The following CCDC60 variants were observed in gnomAD, a reference collection of about 807,000 sequenced individuals.
The protein encoded by CCDC60 is coiled-coil domain containing 60, also known as coiled-coil domain-containing protein 60.
Under a neutral mutation model 63.5 loss-of-function variants are expected in CCDC60, and 54 were observed. The observed-to-expected ratio is 0.85, with a 90% CI of 0.68 to 1.07. The LOEUF is 1.07. Ranked by LOEUF, CCDC60 falls within the 50% of genes least tolerant of loss-of-function variation. The pLI, the probability that CCDC60 is intolerant of heterozygous loss-of-function variation, is 0.00. For synonymous variants in CCDC60, 206 were observed against 238.8 expected (o/e 0.86, Z 1.27); for missense variants, 651 against 684.3 (o/e 0.95, Z 0.54).
intron 1 of CCDC60, among the ~76,000 whole-genome samples, chr12:119,404,316 T>C (rs1320161290): frequency 5.3e-5 from 8 of 152,196 alleles, no homozygotes; most frequent in Admixed American, 1.3e-4. Flanking sequence ...TCATTTTGTT[T>C]ATCCTTCTGA....
chr12:119,453,859 G>C (rs1002190919), intron 2 of CCDC60, among the ~76,000 whole-genome samples: 3 of 152,106 alleles, frequency 2.0e-5, no homozygotes, highest in Admixed American at 6.6e-5. Context: ...AGGGAAAGGG[G>C]AAGAAGGAGG....
At chr12:119,408,132 A>T (rs550521350) in intron 1 of CCDC60, among the ~76,000 whole-genome samples, 2 of 152,330 alleles carry the variant, frequency 1.3e-5, no homozygotes, top group African/African-American at 4.8e-5. Flanking sequence ...TAATTTTGTG[A>T]CTAGCCCCTA....
chr12:119,533,362 G>A (rs902167195), intron 13 of CCDC60, among the ~76,000 whole-genome samples: 4 of 152,130 alleles, frequency 2.6e-5, no homozygotes, highest in African/African-American at 9.7e-5. Context: ...CTCCCATTCT[G>A]TAGGTTGCCT....
chr12:119,360,355 TCCC>T, intron 1 of CCDC60, among the ~76,000 whole-genome samples: 1 of 73,588 alleles, frequency 1.4e-5, no homozygotes, highest in East Asian at 5.1e-3. Context: ...CGCCCCCACC[TCCC>T]TCCCGGACGG....
chr12:119,453,157 A>G (rs575173729), intron 2 of CCDC60, among the ~76,000 whole-genome samples: 7 of 152,098 alleles, frequency 4.6e-5, no homozygotes, highest in South Asian at 4.1e-4. Flanking sequence ...ACATTAATGT[A>G]TATCCCACTT....
intron 8 of CCDC60, among the ~76,000 whole-genome samples, chr12:119,519,462 TA>T (rs1381736436): frequency 7.8e-6 from 1 of 128,852 alleles, no homozygotes; most frequent in African/African-American, 3.3e-5. Context: ...TATATATATA[TA>T]TATATTTTTT....
chr12:119,343,360 G>A (rs1050769541), intron 1 of CCDC60, among the ~76,000 whole-genome samples: 7 of 152,196 alleles, frequency 4.6e-5, no homozygotes, highest in South Asian at 4.1e-4. Context: ...TTCACTAAGC[G>A]GGGAGATTAT....
At chr12:119,349,855 T>C (rs1057326107) in intron 1 of CCDC60, among the ~76,000 whole-genome samples, 4 of 152,188 alleles carry the variant, frequency 2.6e-5, no homozygotes, top group Non-Finnish European at 5.9e-5. Context: ...TGCCTCTCAT[T>C]ACTCCCTTCA....
At chr12:119,362,495 T>C (rs1168149233) in intron 1 of CCDC60, among the ~76,000 whole-genome samples, 1 of 152,226 alleles carries the variant, frequency 6.6e-6, no homozygotes, top group Non-Finnish European at 1.5e-5. Flanking sequence ...TTCTTGATCT[T>C]CATGTAATGA....
chr12:119,357,930 A>T (rs1955734329), intron 1 of CCDC60, among the ~76,000 whole-genome samples: 1 of 152,206 alleles, frequency 6.6e-6, no homozygotes, highest in South Asian at 2.1e-4. Context: ...TTCTGGGGAG[A>T]CCTCAGGAAA....
chr12:119,503,442 G>T (rs573355616), intron 6 of CCDC60, among the ~76,000 whole-genome samples: 1 of 152,196 alleles, frequency 6.6e-6, no homozygotes, highest in Non-Finnish European at 1.5e-5. Context: ...TGCTTTGGGT[G>T]CTTGGCATTT....
intron 5 of CCDC60, among the ~76,000 whole-genome samples, chr12:119,498,012 C>G (rs189183843): frequency 5.3e-4 from 80 of 152,294 alleles, no homozygotes; most frequent in Admixed American, 8.5e-4. Context: ...TCTCACCCCA[C>G]CTCACCAGCC....
intron 8 of CCDC60, among the ~76,000 whole-genome samples, chr12:119,518,455 A>G (rs756581008): frequency 2.8e-4 from 42 of 152,240 alleles, no homozygotes; most frequent in Admixed American, 5.9e-4. Context: ...GCCATGACTA[A>G]TTGCCGGGTT....
intron 1 of CCDC60, among the ~76,000 whole-genome samples, chr12:119,421,461 C>T (rs1826050143): frequency 6.6e-6 from 1 of 152,172 alleles, no homozygotes; most frequent in African/African-American, 2.4e-5. Context: ...GTCACTTGAC[C>T]ATGAGTTCAA....
intron 1 of CCDC60, among the ~76,000 whole-genome samples, chr12:119,390,539 A>C (rs1201953823): frequency 6.6e-6 from 1 of 152,230 alleles, no homozygotes; most frequent in Non-Finnish European, 1.5e-5. Flanking sequence ...GAATGAATGG[A>C]CAAATGAATG....
At chr12:119,492,090 C>T (rs1686105550) in intron 5 of CCDC60, among the ~76,000 whole-genome samples, 1 of 152,126 alleles carries the variant, frequency 6.6e-6, no homozygotes, top group African/African-American at 2.4e-5. Flanking sequence ...CTGAACCAGA[C>T]CTAGCCACCT....
At chr12:119,353,578 TC>T (rs1955681712) in intron 1 of CCDC60, among the ~76,000 whole-genome samples, 1 of 140,036 alleles carries the variant, frequency 7.1e-6, no homozygotes, top group Non-Finnish European at 1.6e-5. Flanking sequence ...CTCCCCTCTC[TC>T]CTTCTTCTTC....
chr12:119,439,651 A>C (rs1380491329), intron 2 of CCDC60, among the ~76,000 whole-genome samples: 1 of 152,236 alleles, frequency 6.6e-6, no homozygotes, highest in Non-Finnish European at 1.5e-5. Context: ...TATACTGAGC[A>C]GGTCACCTGT....
At chr12:119,491,390 G>A (rs781462811) in intron 5 of CCDC60, among the ~76,000 whole-genome samples, 1 of 152,050 alleles carries the variant, frequency 6.6e-6, no homozygotes, top group African/African-American at 2.4e-5. Context: ...GTACAATGGC[G>A]CGATCTCGGC....
Sources: allele counts gnomAD v4.1 joint callset (sites outside exome capture counted in the v4.1 genomes callset), GRCh38; gene constraint gnomAD v4.1.1; transcripts MANE v1.5; gene names NCBI Gene and HGNC (gene_info 2026-07-23, HGNC 2026-07-21).